Variants in USP12 observed in about 807,000 individuals in gnomAD.
USP12 encodes the protein ubiquitin carboxyl-terminal hydrolase 12.
In USP12, 19 loss-of-function variants were observed where a neutral mutation model predicts 45.5. The observed-to-expected ratio is 0.42, with a 90% CI of 0.29 to 0.61. The LOEUF (loss-of-function observed/expected upper bound fraction) is 0.61, where lower values mean the gene tolerates loss of function less well. USP12 is among the 20% of genes least tolerant of loss of function. The pLI is 0.22. For synonymous variants in USP12, 149 were observed against 148.8 expected, an observed-to-expected ratio of 1.00 and a Z score of -0.01; for missense variants, 242 against 447.7, an observed-to-expected ratio of 0.54 and a Z score of 4.15.
At chr13:27,121,462 G>A (rs1006431558) in intron 1 of USP12, among the ~76,000 whole-genome samples, 5 of 152,036 alleles carry the variant, frequency 3.3e-5, no homozygotes, top group African/African-American at 1.2e-4. Context: ...ACAAATACAA[G>A]CCAAGAGATT....
chr13:27,116,887 C>A (rs1875769658), intron 1 of USP12, among the ~76,000 whole-genome samples: 1 of 152,148 alleles, frequency 6.6e-6, no homozygotes, highest in African/African-American at 2.4e-5. Flanking sequence ...CCTAGGTGTG[C>A]AGTAGGCTCT....
At chr13:27,103,610 T>TAAA (rs1555234509) in intron 3 of USP12, among the ~76,000 whole-genome samples, 5 of 66,748 alleles carry the variant, frequency 7.5e-5, no homozygotes, top group African/African-American at 2.5e-4. Flanking sequence ...AAAAAAAAAA[T>TAAA]AATAATAATA....
chr13:27,154,819 AGGGTCT>A (rs903550353), intron 1 of USP12, among the ~76,000 whole-genome samples: 3 of 152,066 alleles, frequency 2.0e-5, no homozygotes, highest in African/African-American at 7.2e-5. Context: ...TGTAATCACA[AGGGTCT>A]GGTAAGTGAA....
At chr13:27,089,093 A>C (rs918636031) in intron 6 of USP12, among the ~76,000 whole-genome samples, 2 of 152,218 alleles carry the variant, frequency 1.3e-5, no homozygotes, top group Admixed American at 6.5e-5. Flanking sequence ...AAGGACTGAG[A>C]ATCTTTTCCA....
chr13:27,162,024 C>T (rs924161253), intron 1 of USP12, among the ~76,000 whole-genome samples: 13 of 152,180 alleles, frequency 8.5e-5, no homozygotes, highest in Non-Finnish European at 1.9e-4. Flanking sequence ...AATGACTACG[C>T]TTTGTCAAAG....
chr13:27,136,020 TA>T (rs937171461), intron 1 of USP12, among the ~76,000 whole-genome samples: 5 of 152,196 alleles, frequency 3.3e-5, no homozygotes, highest in African/African-American at 1.2e-4. Context: ...AATATTATTT[TA>T]AACAGACCCC....
intron 1 of USP12, among the ~76,000 whole-genome samples, chr13:27,127,274 T>C (rs1876285588): frequency 6.6e-6 from 1 of 152,196 alleles, no homozygotes; most frequent in African/African-American, 2.4e-5. Flanking sequence ...GTGGTACACA[T>C]GGCAGAAGCT....
chr13:27,112,009 T>G (rs1875471156), intron 2 of USP12, among the ~76,000 whole-genome samples: 2 of 152,186 alleles, frequency 1.3e-5, no homozygotes, highest in South Asian at 4.1e-4. Context: ...ATTTGTAGTC[T>G]TATCTACCAA....
At chr13:27,083,876 T>TA (rs1873879834) in intron 6 of USP12, among the ~76,000 whole-genome samples, 4 of 148,714 alleles carry the variant, frequency 2.7e-5, no homozygotes, top group African/African-American at 1.0e-4. Context: ...ATATATATAT[T>TA]TTTTTGAGAT....
intron 1 of USP12, among the ~76,000 whole-genome samples, chr13:27,118,046 A>C (rs1875822848): frequency 6.7e-6 from 1 of 150,276 alleles, no homozygotes; most frequent in South Asian, 2.2e-4. Flanking sequence ...TTGCTCAAAA[A>C]ATATCAAAAT....
intron 4 of USP12, among the ~76,000 whole-genome samples, chr13:27,092,767 T>C (rs2137773276): frequency 6.6e-6 from 1 of 152,320 alleles, no homozygotes; most frequent in Non-Finnish European, 1.5e-5. Flanking sequence ...ATATAATTCC[T>C]AGATAACATA....
At chr13:27,169,880 C>G (rs918948266) in intron 1 of USP12, among the ~76,000 whole-genome samples, 1 of 152,182 alleles carries the variant, frequency 6.6e-6, no homozygotes, top group Non-Finnish European at 1.5e-5. Flanking sequence ...TAAGTGTATA[C>G]TTGATATACA....
chr13:27,091,526 T>A (rs1271096651), intron 4 of USP12, among the ~76,000 whole-genome samples: 1 of 152,200 alleles, frequency 6.6e-6, no homozygotes, highest in Non-Finnish European at 1.5e-5. Flanking sequence ...CTTTTCAAAG[T>A]GGTTGTAAAG....
At chr13:27,171,183 C>T (rs1209519604) in intron 1 of USP12, among the ~76,000 whole-genome samples, 1 of 151,060 alleles carries the variant, frequency 6.6e-6, no homozygotes, top group African/African-American at 2.4e-5. Flanking sequence ...GACCCCGGCC[C>T]GGGGCCGCGC....
At chr13:27,150,212 C>T (rs867849671) in intron 1 of USP12, among the ~76,000 whole-genome samples, 12 of 152,140 alleles carry the variant, frequency 7.9e-5, no homozygotes, top group South Asian at 4.1e-4. Context: ...CCCACAAATA[C>T]ATACAATTAT....
intron 6 of USP12, among the ~76,000 whole-genome samples, chr13:27,081,888 T>C (rs915027639): frequency 2.0e-5 from 3 of 152,212 alleles, no homozygotes; most frequent in African/African-American, 7.2e-5. Context: ...TGTTTCTGAG[T>C]GATAGGTCTC....
intron 1 of USP12, among the ~76,000 whole-genome samples, chr13:27,145,111 T>C (rs1409503634): frequency 6.6e-6 from 1 of 152,146 alleles, no homozygotes; most frequent in Non-Finnish European, 1.5e-5. Context: ...GGGCTCTGTA[T>C]CAAATGTAGC....
At chr13:27,162,655 TAA>T (rs1365201407) in intron 1 of USP12, among the ~76,000 whole-genome samples, 1 of 152,244 alleles carries the variant, frequency 6.6e-6, no homozygotes, top group Non-Finnish European at 1.5e-5. Context: ...GTGTTACTGT[TAA>T]AGAGATTGCC....
chr13:27,170,928 T>G (rs1311418505), intron 1 of USP12, among the ~76,000 whole-genome samples: 1 of 152,160 alleles, frequency 6.6e-6, no homozygotes, highest in Non-Finnish European at 1.5e-5. Context: ...CAGTACTTAT[T>G]TAAAGTTTCC....
Sources: gnomAD v4.1 joint callset for allele counts (sites outside exome capture counted in the v4.1 genomes callset) on GRCh38, gnomAD v4.1.1 for gene constraint, MANE v1.5 for transcripts, NCBI Gene and HGNC (gene_info 2026-07-23, HGNC 2026-07-21) for gene names.